The following PSD3 variants were observed in gnomAD, a reference collection of about 807,000 sequenced individuals.
The protein encoded by PSD3 is PH and SEC7 domain-containing protein 3.
Under a neutral mutation model 105.5 loss-of-function variants are expected in PSD3, and 49 were observed. The observed-to-expected ratio is 0.46, with a 90% confidence interval of 0.37 to 0.59. PSD3 has a LOEUF of 0.59. PSD3 is among the 20% of genes least tolerant of loss of function. The probability of loss-of-function intolerance (pLI) is 0.00; values close to 1 mark genes in which losing one functional copy is unlikely to be tolerated. For synonymous variants in PSD3, 557 were observed against 457.8 expected (o/e 1.22, Z -2.77); for missense variants, 1,561 against 1,263.8 (o/e 1.24, Z -3.57).
intron 8 of PSD3, among the ~76,000 whole-genome samples, chr8:18,766,107 G>T (rs1042038525): frequency 2.6e-5 from 4 of 152,190 alleles, no homozygotes; most frequent in Non-Finnish European, 5.9e-5. Flanking sequence ...GCTGAGGTGC[G>T]TGGATTACTT....
intron 2 of PSD3, among the ~76,000 whole-genome samples, chr8:18,891,153 G>T (rs1417446321): frequency 6.6e-6 from 1 of 151,998 alleles, no homozygotes; most frequent in Non-Finnish European, 1.5e-5. Context: ...TAGATATCAG[G>T]TATACCTAAA....
intron 8 of PSD3, among the ~76,000 whole-genome samples, chr8:18,782,893 C>G (rs1808777356): frequency 6.6e-6 from 1 of 152,202 alleles, no homozygotes; most frequent in South Asian, 2.1e-4. Flanking sequence ...CTCACTTGGT[C>G]ATGCTATATA....
intron 10 of PSD3, among the ~76,000 whole-genome samples, chr8:18,644,734 A>G (rs1353448349): frequency 6.6e-6 from 1 of 152,052 alleles, no homozygotes; most frequent in East Asian, 1.9e-4. Context: ...ACCCAATTCC[A>G]AGGCCCCTTC....
intron 9 of PSD3, among the ~76,000 whole-genome samples, chr8:18,725,109 C>T (rs1803256520): frequency 1.3e-5 from 2 of 152,174 alleles, no homozygotes; most frequent in Admixed American, 1.3e-4. Flanking sequence ...ACAGGTTCTA[C>T]GTATTGGCTC....
intron 15 of PSD3, among the ~76,000 whole-genome samples, chr8:18,553,402 G>A (rs1248015325): frequency 6.6e-6 from 1 of 152,192 alleles, no homozygotes; most frequent in South Asian, 2.1e-4. Flanking sequence ...GTTTTCATGG[G>A]AGCTTCTGGT....
At chr8:18,574,611 A>C (rs1802360482) in intron 13 of PSD3, among the ~76,000 whole-genome samples, 1 of 152,184 alleles carries the variant, frequency 6.6e-6, no homozygotes, top group African/African-American at 2.4e-5. Context: ...CTCAGAAGGG[A>C]AACAAAAAAA....
rs1055776879 is a variant in PSD3 at position 18,802,199 on chromosome 8, C to T, written c.1911-817G>A. ...AATTGGGAGATATAAGTAATTTATTCCTTACATAATGGAATTAGTTTATGT... is the reference window on the plus strand; with the variant it reads ...AATTGGGAGATATAAGTAATTTATTTCTTACATAATGGAATTAGTTTATGT... On this transcript the variant is annotated intron_variant, in intron 6 of 15. Transcript: ENST00000327040. 8.0e-5 allele frequency: 17 copies of T among 212,908 alleles called. 1 individual carries two copies. In the South Asian group the frequency reaches 9.8e-4, roughly 12 times the overall value. 13.2% of individuals were successfully genotyped at this position (212,908 alleles called of 1,614,324 possible).
chr8:18,556,508 C>T (rs1038628193), intron 14 of PSD3, among the ~76,000 whole-genome samples, 156 bp from the exon 15 acceptor site: 3 of 152,218 alleles, frequency 2.0e-5, no homozygotes, highest in Non-Finnish European at 2.9e-5. Context: ...TTTCTCACGC[C>T]CCTGTCCACA....
chr8:18,811,246 A>G (rs1042648963), intron 4 of PSD3, among the ~76,000 whole-genome samples: 1 of 152,210 alleles, frequency 6.6e-6, no homozygotes, highest in Non-Finnish European at 1.5e-5. Context: ...TGAGGCAAGG[A>G]GCTGGACATG....
chr8:18,812,258 T>G (rs1422141535), intron 4 of PSD3, among the ~76,000 whole-genome samples: 1 of 152,152 alleles, frequency 6.6e-6, no homozygotes, highest in African/African-American at 2.4e-5. Context: ...AATTTAAATA[T>G]CCTGAGAAAC....
chr8:18,580,848 A>C (rs1458230478), intron 12 of PSD3, among the ~76,000 whole-genome samples: 1 of 152,208 alleles, frequency 6.6e-6, no homozygotes, highest in African/African-American at 2.4e-5. Flanking sequence ...ACAATAATCA[A>C]GAGGTGAACT....
At chr8:18,939,258 G>C (rs1258091346) in intron 1 of PSD3, among the ~76,000 whole-genome samples, 2 of 152,202 alleles carry the variant, frequency 1.3e-5, no homozygotes, top group Non-Finnish European at 2.9e-5. Flanking sequence ...AGTTCATGAA[G>C]CTGGGGAGGG....
chr8:18,574,430 T>C (rs1167463726), intron 13 of PSD3, among the ~76,000 whole-genome samples: 1 of 152,198 alleles, frequency 6.6e-6, no homozygotes, highest in Non-Finnish European at 1.5e-5. Flanking sequence ...GCTGTAATTA[T>C]ACATCCAGCT....
At position 18,570,152 on chromosome 8, in the gene PSD3, C is replaced by A. The variant is rs1191597198; in HGVS notation, c.2784+2376G>T. Among the ~76,000 whole-genome samples the A allele has an allele frequency of 1.2e-4, 2 of 17,010 alleles. 1 individual carries two copies. The highest frequency in any genetic ancestry group is 2.2e-4 in the African/African-American group (2 of 9,026). 11.2% of individuals were successfully genotyped at this position (17,010 alleles called of 152,430 possible). On this transcript the variant is annotated intron_variant, in intron 14 of 15. Coordinates refer to ENST00000327040, the MANE Select transcript of PSD3 (RefSeq NM_015310.4). ...TATAGATCAATGGAACAGAACAGAG[C>A]CCTCAGAAATAATGCCGCTTATCTA...
chr8:18,872,250 G>T lies in PSD3; in HGVS notation c.614C>A (p.Thr205Lys). Reference sequence around the variant, plus strand: ...GATGCTCAAATAAAAACTTTCCTCCGTTGTTACTTCAGCTGAAAGAGGTAT... The same window carrying T: ...GATGCTCAAATAAAAACTTTCCTCCTTTGTTACTTCAGCTGAAAGAGGTAT... The part of the protein sequence containing the change: ...PEIPLSAEVT[T>K]EESFYLSIQK... Residue 205 changes from threonine (T) to lysine (K), a missense_variant, in exon 3 of 16, where the codon ACG becomes AAG. Transcript: ENST00000327040. 2 of 1,614,156 alleles carry T rather than the reference G, an allele frequency of 1.2e-6. No individual in the cohort carries two copies. Among genetic ancestry groups the T allele is most frequent in the South Asian group, 2.2e-5 (2 of 91,090 alleles).
At chr8:18,769,113 T>C (rs1179151953) in intron 8 of PSD3, among the ~76,000 whole-genome samples, 3 of 152,136 alleles carry the variant, frequency 2.0e-5, no homozygotes, top group Non-Finnish European at 2.9e-5. Context: ...AAATAACACA[T>C]ACAATGAACA....
At chr8:18,716,434 C>T (rs2129424435) in intron 9 of PSD3, among the ~76,000 whole-genome samples, 1 of 152,032 alleles carries the variant, frequency 6.6e-6, no homozygotes, top group East Asian at 1.9e-4. Flanking sequence ...AATGAGGAGC[C>T]AATGAAAGGA....
chr8:18,854,001 T>C (rs919203514), intron 4 of PSD3: 15 of 148,404 alleles, frequency 1.0e-4, no homozygotes, highest in Non-Finnish European at 2.1e-4. Flanking sequence ...TTTGAAATAA[T>C]CTATTTTCAA....
intron 2 of PSD3, among the ~76,000 whole-genome samples, chr8:18,880,144 T>A (rs1035056145): frequency 6.6e-6 from 1 of 152,178 alleles, no homozygotes; most frequent in Non-Finnish European, 1.5e-5. Flanking sequence ...TTATTTAGAA[T>A]TTCTGATTTA....
Sources: allele counts gnomAD v4.1 joint callset (sites outside exome capture counted in the v4.1 genomes callset), GRCh38; gene constraint gnomAD v4.1.1; transcripts MANE v1.5; gene names NCBI Gene and HGNC (gene_info 2026-07-23, HGNC 2026-07-21).